Variants in ZNF292 observed in about 807,000 individuals in gnomAD.
ZNF292 encodes 16 zinc-finger domain protein.
In ZNF292, 26 loss-of-function variants were observed where a neutral mutation model predicts 217.9. The observed-to-expected ratio is 0.12, with a 90% confidence interval of 0.09 to 0.17. ZNF292 has a LOEUF of 0.17. Among genes scored for constraint, ZNF292 ranks in the 10% least tolerant of loss-of-function variants. ZNF292 has a pLI of 1.00. For missense variants in ZNF292, 2,904 were observed against 3,175.2 expected (o/e 0.91, Z 2.05); for synonymous variants, 1,257 against 1,124.1 (o/e 1.12, Z -2.37).
intron 4 of ZNF292, among the ~76,000 whole-genome samples, chr6:87,230,774 T>C (rs1773613482): frequency 6.6e-6 from 1 of 151,930 alleles, no homozygotes; most frequent in Non-Finnish European, 1.5e-5. Flanking sequence ...AGAAGGCTCT[T>C]TTACATTTTT....
At chr6:87,165,827 C>T (rs1770894186) in intron 1 of ZNF292, among the ~76,000 whole-genome samples, 1 of 146,586 alleles carries the variant, frequency 6.8e-6, no homozygotes, top group South Asian at 2.1e-4. Context: ...GGCGTGATCT[C>T]AGCTCACTGC....
At position 87,257,174 on chromosome 6, in the gene ZNF292, C is replaced by A. The variant is rs1283624230; in HGVS notation, c.3545C>A (p.Ala1182Asp). 4 of 1,613,892 alleles carry A rather than the reference C, an allele frequency of 2.5e-6. No homozygotes were observed. In the Admixed American group the frequency reaches 6.7e-5, roughly 27 times the overall value. The change falls in exon 8 of 8, where the codon GCC becomes GAC. Residue 1182 changes from alanine (A) to aspartate (D), a missense_variant. By Grantham distance (126) the Ala-to-Asp change is moderately radical. Coordinates refer to ENST00000369577, the MANE Select transcript of ZNF292 (RefSeq NM_015021.3). ...GCCAATGGGAATCCTGCTTGTTCGG[C>A]CCAGTTGCAGCATGTCTCGCCACCC... ...TKANGNPACS[A>D]QLQHVSPPIF...
chr6:87,184,877 A>G (rs1010935746), intron 1 of ZNF292, among the ~76,000 whole-genome samples: 4 of 152,232 alleles, frequency 2.6e-5, no homozygotes, highest in Non-Finnish European at 5.9e-5. Context: ...TATCCAAGGA[A>G]GCAGAAGAAA....
Position 87,255,017 on chromosome 6 carries a change from A to C in ZNF292, c.1388A>C (p.Glu463Ala), listed in dbSNP as rs1775133764. 1.2e-6 allele frequency: 2 copies of C among 1,613,858 alleles called. No individual in the cohort carries two copies. Among genetic ancestry groups the C allele is most frequent in the Non-Finnish European group, 1.7e-6 (2 of 1,179,854 alleles). ...CAATGTCTTGCATTAATGGGAGAAG[A>C]AGCATCCATTGTGTCTTCAATAGAT... ...KRQCLALMGE[E>A]ASIVSSIDEL... Residue 463 changes from glutamate to alanine, a missense_variant, in exon 8 of 8, where the codon GAA becomes GCA. Physicochemically the swap from Glu to Ala is moderately radical, Grantham distance 107. This residue lies in a region of ZNF292 where 87 missense variants were observed against 99.6 expected (regional missense o/e 0.87). Transcript: ENST00000369577.
At chr6:87,202,261 T>C (rs1772120167) in intron 1 of ZNF292, among the ~76,000 whole-genome samples, 1 of 152,210 alleles carries the variant, frequency 6.6e-6, no homozygotes, top group Non-Finnish European at 1.5e-5. Flanking sequence ...GAAAAGATCT[T>C]ATAAATACTT....
At chr6:87,230,283 G>T (rs539224969) in intron 4 of ZNF292, among the ~76,000 whole-genome samples, 2 of 152,322 alleles carry the variant, frequency 1.3e-5, no homozygotes, top group African/African-American at 4.8e-5. Flanking sequence ...CCCAGTAAAT[G>T]AGTTGACCCC....
intron 7 of ZNF292, among the ~76,000 whole-genome samples, chr6:87,251,545 A>G (rs1301467492): frequency 1.3e-5 from 2 of 152,184 alleles, no homozygotes; most frequent in Admixed American, 1.3e-4. Context: ...AATTAATGTC[A>G]CTTAGCTTTC....
At position 87,257,674 on chromosome 6, in the gene ZNF292, C is replaced by T. The variant is rs199514946; in HGVS notation, c.4045C>T (p.Arg1349Trp). Reference sequence around the variant, plus strand: ...TGAAAAAGTTAAAAAAGACCGTGGGCGGGGCCCAAATGGGAAGGAAAGAAA... The same window carrying T: ...TGAAAAAGTTAAAAAAGACCGTGGGTGGGGCCCAAATGGGAAGGAAAGAAA... The part of the protein sequence containing the change: ...APEKVKKDRG[R>W]GPNGKERKPK... Residue 1349 changes from arginine to tryptophan, a missense_variant, in exon 8 of 8, where the codon CGG (arginine) becomes TGG (tryptophan). Physicochemically the swap from Arg to Trp is moderately radical, Grantham distance 101 (BLOSUM62 -3). Coordinates refer to ENST00000369577, the MANE Select transcript of ZNF292 (RefSeq NM_015021.3). 4.3e-5 allele frequency: 70 copies of T among 1,611,114 alleles called. No homozygotes were observed. Among genetic ancestry groups the T allele is most frequent in the African/African-American group, 2.8e-4 (21 of 74,830 alleles).
At chr6:87,161,700 G>A (rs1366422319) in intron 1 of ZNF292, among the ~76,000 whole-genome samples, 1 of 152,248 alleles carries the variant, frequency 6.6e-6, no homozygotes, top group Non-Finnish European at 1.5e-5. Flanking sequence ...ATAGGCGTGA[G>A]CCACTGCACC....
intron 1 of ZNF292, among the ~76,000 whole-genome samples, chr6:87,157,917 C>G (rs1303115063): frequency 1.3e-5 from 2 of 152,098 alleles, no homozygotes; most frequent in Non-Finnish European, 2.9e-5. Flanking sequence ...AGGCTGGTCT[C>G]GAACTGCTGG....
intron 1 of ZNF292, among the ~76,000 whole-genome samples, chr6:87,207,365 G>A (rs1455280725): frequency 6.6e-6 from 1 of 152,168 alleles, no homozygotes; most frequent in East Asian, 1.9e-4. Context: ...TGTTTTTGCT[G>A]TAATTCAAGT....
Position 87,258,913 on chromosome 6 carries a change from A to T in ZNF292, c.5284A>T (p.Ile1762Phe). Reference protein sequence around the residue: ...IQNFEKTLEIIKTAMNSQILE... With the variant: ...IQNFEKTLEIFKTAMNSQILE... ...AAACTTTGAAAAGACTCTTGAAATTATTAAAACTGCTATGAATTCTCAAAT... is the reference window on the plus strand; with the variant it reads ...AAACTTTGAAAAGACTCTTGAAATTTTTAAAACTGCTATGAATTCTCAAAT... The change falls in exon 8 of 8, where the codon ATT becomes TTT. Residue 1762 changes from isoleucine (I) to phenylalanine (F), a missense_variant. This residue lies in a region of ZNF292 where 622 missense variants were observed against 573.1 expected (regional missense o/e 1.09). Coordinates refer to ENST00000369577, the MANE Select transcript of ZNF292 (RefSeq NM_015021.3). The T allele has an allele frequency of 1.2e-6, 2 of 1,608,428 alleles. No individual in the cohort carries two copies. Among genetic ancestry groups the T allele is most frequent in the Non-Finnish European group, 1.7e-6 (2 of 1,176,846 alleles).
At chr6:87,158,634 C>T (rs1187709602) in intron 1 of ZNF292, among the ~76,000 whole-genome samples, 1 of 152,120 alleles carries the variant, frequency 6.6e-6, no homozygotes, top group African/African-American at 2.4e-5. Context: ...AGATGGTGCA[C>T]TGTGCACACT....
chr6:87,209,019 G>GT (rs1772364842), intron 1 of ZNF292, among the ~76,000 whole-genome samples: 1 of 152,032 alleles, frequency 6.6e-6, no homozygotes, highest in Non-Finnish European at 1.5e-5. Context: ...GGTTTTCTAG[G>GT]TGTGGAGAGT....
At chr6:87,204,467 C>T (rs766539597) in intron 1 of ZNF292, among the ~76,000 whole-genome samples, 4 of 149,260 alleles carry the variant, frequency 2.7e-5, no homozygotes, top group African/African-American at 1.0e-4. Context: ...TGTACTGTAT[C>T]GCCAACTTTT....
intron 1 of ZNF292, among the ~76,000 whole-genome samples, chr6:87,167,536 G>T (rs1001727540): frequency 2.0e-5 from 3 of 152,236 alleles, no homozygotes; most frequent in Non-Finnish European, 4.4e-5. Context: ...AGCTACCTGG[G>T]AGGCTGAGCA....
At chr6:87,252,524 C>CT (rs1424679094) in intron 7 of ZNF292, among the ~76,000 whole-genome samples, 1 of 152,206 alleles carries the variant, frequency 6.6e-6, no homozygotes, top group Non-Finnish European at 1.5e-5. Context: ...CTTCTCAGAA[C>CT]TTTCACCAGT....
chr6:87,245,425 A>T, intron 6 of ZNF292, 78 bp from the exon 7 acceptor site: 1 of 1,103,756 alleles, frequency 9.1e-7, no homozygotes, highest in Non-Finnish European at 1.3e-6. Context: ...TTTAATTTCA[A>T]ATGTAATGAC....
Position 87,257,164 on chromosome 6 carries a change from G to T in ZNF292, c.3535G>T (p.Ala1179Ser). The change falls in exon 8 of 8, where the codon GCT becomes TCT. Residue 1179 changes from alanine (A) to serine (S), a missense_variant. Around this residue, in one of 15 missense-constraint regions of ZNF292, gnomAD observed 687 missense variants for 623.0 expected, o/e 1.10. Coordinates refer to ENST00000369577, the MANE Select transcript of ZNF292 (RefSeq NM_015021.3). ...TSQTKANGNP[A>S]CSAQLQHVSP... ...ACAGACCAAAGCCAATGGGAATCCT[G>T]CTTGTTCGGCCCAGTTGCAGCATGT... 6.2e-7 allele frequency: 1 copy of T among 1,613,858 alleles called. No individual in the cohort carries two copies. The highest frequency in any genetic ancestry group is 8.5e-7 in the Non-Finnish European group (1 of 1,179,846).
Sources: allele counts gnomAD v4.1 joint callset (sites outside exome capture counted in the v4.1 genomes callset), GRCh38; gene constraint gnomAD v4.1.1; regional missense constraint gnomAD v4.1.1; transcripts MANE v1.5; gene names NCBI Gene and HGNC (gene_info 2026-07-23, HGNC 2026-07-21).